The following ZSWIM6 variants were observed in gnomAD, a reference collection of about 807,000 sequenced individuals.
The protein encoded by ZSWIM6 is zinc finger SWIM domain-containing protein 6.
Under a neutral mutation model 113.2 loss-of-function variants are expected in ZSWIM6, and 9 were observed. The observed-to-expected ratio is 0.08, with a 90% CI of 0.05 to 0.14. The LOEUF is 0.14. ZSWIM6 is among the 10% of genes least tolerant of loss of function. The pLI is 1.00. For synonymous variants in ZSWIM6, 611 were observed against 606.5 expected (o/e 1.01, Z -0.11); for missense variants, 1,162 against 1,552.2 (o/e 0.75, Z 4.22).
chr5:61,434,034 TA>T (rs893883938), intron 1 of ZSWIM6, among the ~76,000 whole-genome samples: 6 of 145,922 alleles, frequency 4.1e-5, no homozygotes, highest in Admixed American at 1.4e-4. Flanking sequence ...AAAAATATAA[TA>T]AAAAATATAT....
chr5:61,400,482 G>A (rs1745923134), intron 1 of ZSWIM6, among the ~76,000 whole-genome samples: 1 of 152,188 alleles, frequency 6.6e-6, no homozygotes, highest in Non-Finnish European at 1.5e-5. Context: ...ACTGTAATTT[G>A]ATGAGTACAG....
At chr5:61,433,440 G>A (rs1293805441) in intron 1 of ZSWIM6, among the ~76,000 whole-genome samples, 1 of 151,528 alleles carries the variant, frequency 6.6e-6, no homozygotes, top group Non-Finnish European at 1.5e-5. Context: ...TTAGCCTCTT[G>A]ACCACAGAAA....
intron 2 of ZSWIM6, among the ~76,000 whole-genome samples, chr5:61,477,250 A>C (rs1219121221): frequency 2.0e-5 from 3 of 152,188 alleles, no homozygotes; most frequent in Admixed American, 1.3e-4. Flanking sequence ...AGAGGAAAGG[A>C]TCATTTCAGT....
Position 61,417,145 on chromosome 5 carries a change from G to GA in ZSWIM6, c.677-55526dup, listed in dbSNP as rs1017195415. ...CAACAAGAGCAAACTCCGTCTCGAA[G>GA]AAAAAAAAAATAAAAGCGCATACCT... is the stretch of plus-strand genomic sequence containing the variant. On this transcript the variant is annotated intron_variant, in intron 1 of 13. Coordinates refer to ENST00000252744, the MANE Select transcript of ZSWIM6 (RefSeq NM_020928.2). Among the ~76,000 whole-genome samples the GA allele has an allele frequency of 8.5e-4, 127 of 149,046 alleles. 1 individual carries two copies. Among genetic ancestry groups the GA allele is most frequent in the African/African-American group, 3.0e-3 (121 of 40,716 alleles).
At chr5:61,460,527 G>A (rs188609012) in intron 1 of ZSWIM6, among the ~76,000 whole-genome samples, 280 of 152,232 alleles carry the variant, frequency 1.8e-3, no homozygotes, top group Middle Eastern at 6.8e-3. Flanking sequence ...CGGAAATGGG[G>A]TCTGTACTGT....
At chr5:61,365,677 C>T (rs1025909510) in intron 1 of ZSWIM6, among the ~76,000 whole-genome samples, 5 of 152,248 alleles carry the variant, frequency 3.3e-5, no homozygotes, top group African/African-American at 7.2e-5. Flanking sequence ...TACCACTTAG[C>T]GGTTTTCAGT....
chr5:61,425,266 A>G (rs917293634), intron 1 of ZSWIM6, among the ~76,000 whole-genome samples: 4 of 152,200 alleles, frequency 2.6e-5, no homozygotes, highest in African/African-American at 7.2e-5. Flanking sequence ...TAAAATGGAG[A>G]AAAAGGTGTA....
intron 2 of ZSWIM6, among the ~76,000 whole-genome samples, chr5:61,477,428 C>T (rs1747735324): frequency 1.3e-5 from 2 of 152,312 alleles, no homozygotes; most frequent in Middle Eastern, 3.4e-3. Flanking sequence ...TCTTCCAGCT[C>T]TGTGTCTTTG....
At chr5:61,413,896 A>G (rs1386212616) in intron 1 of ZSWIM6, among the ~76,000 whole-genome samples, 2 of 134,138 alleles carry the variant, frequency 1.5e-5, no homozygotes, top group African/African-American at 2.7e-5. Context: ...GAAATTAGAG[A>G]TGTTAAAGTG....
chr5:61,515,681 A>G (rs1415461606), intron 4 of ZSWIM6, among the ~76,000 whole-genome samples: 4 of 152,178 alleles, frequency 2.6e-5, no homozygotes, highest in Admixed American at 6.6e-5. Context: ...TGGGGGACAC[A>G]TTCAGACCAT....
At chr5:61,489,084 A>G (rs1313517625) in intron 2 of ZSWIM6, among the ~76,000 whole-genome samples, 1 of 151,800 alleles carries the variant, frequency 6.6e-6, no homozygotes, top group Non-Finnish European at 1.5e-5. Flanking sequence ...CTCATCTTCT[A>G]TTCTTGGGTT....
intron 9 of ZSWIM6, among the ~76,000 whole-genome samples, chr5:61,534,106 A>G (rs1485619024): frequency 2.0e-5 from 3 of 152,186 alleles, no homozygotes; most frequent in Non-Finnish European, 2.9e-5. Flanking sequence ...GAATTTTGGG[A>G]AGAAATACAT....
intron 1 of ZSWIM6, among the ~76,000 whole-genome samples, chr5:61,424,261 A>G (rs1579989454): frequency 1.3e-5 from 2 of 152,212 alleles, no homozygotes; most frequent in African/African-American, 4.8e-5. Context: ...CTAGGTAACT[A>G]TTTACCAGAG....
At position 61,450,046 on chromosome 5, in the gene ZSWIM6, G is replaced by T. The variant is rs537595776; in HGVS notation, c.677-22635G>T. On this transcript the variant is annotated intron_variant, in intron 1 of 13. Transcript: ENST00000252744. Reference sequence around the variant, plus strand: ...AATGAAAGAATAGTTTCCTTTTTAGGAAAATTACGTGTTCCAAATTGATAT... The same window carrying T: ...AATGAAAGAATAGTTTCCTTTTTAGTAAAATTACGTGTTCCAAATTGATAT... 6.6e-5 allele frequency among the ~76,000 whole-genome samples: 10 copies of T among 152,212 alleles called. No individual in the cohort carries two copies. In the East Asian group the frequency reaches 1.9e-3, roughly 29 times the overall value.
At chr5:61,420,907 A>ATTCGTTCT (rs557695445) in intron 1 of ZSWIM6, among the ~76,000 whole-genome samples, 120 of 143,894 alleles carry the variant, frequency 8.3e-4, no homozygotes, top group African/African-American at 2.6e-3. Context: ...ACTAGGTCTT[A>ATTCGTTCT]TTCGTTCTAT....
chr5:61,523,583 T>C (rs1377219446), intron 5 of ZSWIM6, among the ~76,000 whole-genome samples: 1 of 152,208 alleles, frequency 6.6e-6, no homozygotes, highest in Non-Finnish European at 1.5e-5. Flanking sequence ...TATTTATCAT[T>C]TAAAAAAATT....
intron 4 of ZSWIM6, among the ~76,000 whole-genome samples, chr5:61,517,342 A>G (rs949811914): frequency 6.6e-6 from 1 of 151,966 alleles, no homozygotes; most frequent in Admixed American, 6.6e-5. Flanking sequence ...TCTTTTCTTC[A>G]GTTGAGATCA....
Position 61,435,042 on chromosome 5 carries a change from A to G in ZSWIM6, c.677-37639A>G, listed in dbSNP as rs575158037. On this transcript the variant is annotated intron_variant, in intron 1 of 13. Coordinates refer to ENST00000252744, the MANE Select transcript of ZSWIM6 (RefSeq NM_020928.2). Reference sequence around the variant, plus strand: ...ACCCTTGTACTGGAAACCGAGAGATATAGTACCTGTGTTCTGGACAGAGTC... The same window carrying G: ...ACCCTTGTACTGGAAACCGAGAGATGTAGTACCTGTGTTCTGGACAGAGTC... Among the ~76,000 whole-genome samples, 5 of 152,294 alleles carry G rather than the reference A, an allele frequency of 3.3e-5. No homozygotes were observed. In the East Asian group the frequency reaches 9.6e-4, roughly 29 times the overall value.
At chr5:61,362,230 G>A (rs375756520) in intron 1 of ZSWIM6, among the ~76,000 whole-genome samples, 1 of 149,072 alleles carries the variant, frequency 6.7e-6, no homozygotes, top group South Asian at 2.1e-4. Flanking sequence ...ACAGTGTCTC[G>A]CTCTGTACCC....
Sources: gnomAD v4.1 joint callset for allele counts (sites outside exome capture counted in the v4.1 genomes callset) on GRCh38, gnomAD v4.1.1 for gene constraint, MANE v1.5 for transcripts, NCBI Gene and HGNC (gene_info 2026-07-23, HGNC 2026-07-21) for gene names.